The following HSD17B12 variants were observed in gnomAD, a reference collection of about 807,000 sequenced individuals.
HSD17B12 encodes very-long-chain 3-oxoacyl-CoA reductase.
In HSD17B12, 32 loss-of-function variants were observed where a neutral mutation model predicts 39.3. The observed-to-expected ratio is 0.81, with a 90% CI of 0.61 to 1.09. HSD17B12 has a LOEUF of 1.09. Ranked by LOEUF, HSD17B12 falls within the 50% of genes least tolerant of loss-of-function variation. HSD17B12 has a pLI of 0.00. For synonymous variants in HSD17B12, 150 were observed against 146.7 expected (o/e 1.02, Z -0.16); for missense variants, 342 against 382.9 (o/e 0.89, Z 0.89).
intron 6 of HSD17B12, 98 bp from the exon 7 acceptor site, chr11:43,830,878 C>A: frequency 1.1e-6 from 1 of 942,406 alleles, no homozygotes; most frequent in Non-Finnish European, 1.7e-6. Flanking sequence ...TGAATGGTTT[C>A]ATGATTCCCT....
At chr11:43,580,886 C>A in the HSD17B12 span, among the ~76,000 whole-genome samples, 2 of 152,150 alleles carry the variant, frequency 1.3e-5, no homozygotes. Context: ...AATGAGCTGG[C>A]GGCCTCGTCT....
the HSD17B12 span, among the ~76,000 whole-genome samples, chr11:43,662,263 A>G: frequency 6.7e-6 from 1 of 149,686 alleles, no homozygotes; most frequent in Non-Finnish European, 1.5e-5. Flanking sequence ...CAGTGGTGCA[A>G]TCTTAGCTCA....
intron 1 of HSD17B12, among the ~76,000 whole-genome samples, chr11:43,696,330 GA>G (rs765827186): frequency 3.7e-4 from 56 of 151,812 alleles, no homozygotes; most frequent in African/African-American, 1.3e-3. Context: ...AAATTTATAA[GA>G]AAAAAAATCA....
At chr11:43,599,317 C>T in the HSD17B12 span, among the ~76,000 whole-genome samples, 19 of 152,230 alleles carry the variant, frequency 1.2e-4, no homozygotes, top group Admixed American at 5.2e-4. Flanking sequence ...ATAGCCTATG[C>T]GACCCTTAGG....
chr11:43,658,085 T>C, the HSD17B12 span, among the ~76,000 whole-genome samples: 16 of 152,204 alleles, frequency 1.1e-4, no homozygotes, highest in Admixed American at 3.9e-4. Flanking sequence ...CTTGGAGGCT[T>C]TGTTCGTTTC....
upstream of HSD17B12, among the ~76,000 whole-genome samples, chr11:43,679,145 C>T (rs1949718136): frequency 6.6e-6 from 1 of 152,160 alleles, no homozygotes. Flanking sequence ...TGAAGAGGTC[C>T]TTCACATCCC....
chr11:43,826,680 T>G (rs1951244751), intron 6 of HSD17B12, among the ~76,000 whole-genome samples: 1 of 152,198 alleles, frequency 6.6e-6, no homozygotes, highest in African/African-American at 2.4e-5. Flanking sequence ...CAAAGCACTC[T>G]TAGAAACTTT....
chr11:43,815,352 A>T, intron 4 of HSD17B12, 85 bp from the exon 5 acceptor site: 1 of 647,784 alleles, frequency 1.5e-6, no homozygotes, highest in Non-Finnish European at 2.7e-6. Flanking sequence ...ATATCATATT[A>T]GTCTTGATAT....
rs1367526232 is a variant in HSD17B12 at position 43,718,777 on chromosome 11, C to T, written c.161-32134C>T. On this transcript the variant is annotated intron_variant, in intron 1 of 10. Coordinates refer to ENST00000278353, the MANE Select transcript of HSD17B12 (RefSeq NM_016142.3). ...AGGCAGTGTTGAAAGGTGTTCACAGCCACAAAAAAAAGAAGACCCGCACGT... is the reference window on the plus strand; with the variant it reads ...AGGCAGTGTTGAAAGGTGTTCACAGTCACAAAAAAAAGAAGACCCGCACGT... The T allele has an allele frequency of 3.4e-6, 4 of 1,159,894 alleles. No individual in the cohort carries two copies. The African/African-American group carries it at 6.2e-5, about 18-fold the overall frequency. The allele number at this position is 1,159,894 out of a possible 1,614,324, so 71.9% of individuals were successfully genotyped here.
the HSD17B12 span, among the ~76,000 whole-genome samples, chr11:43,631,531 T>TTCTCTCTCTCTGTGTGTGTGTGTGTC: frequency 1.3e-5 from 2 of 151,604 alleles, no homozygotes; most frequent in African/African-American, 4.8e-5. Context: ...ATAAAAGGTG[T>TTCTCTCTCTCTGTGTGTGTGTGTGTC]TCTCTCTCTC....
the HSD17B12 span, among the ~76,000 whole-genome samples, chr11:43,561,146 A>G: frequency 6.6e-6 from 1 of 152,186 alleles, no homozygotes; most frequent in South Asian, 2.1e-4. Flanking sequence ...GCTTGGTCCC[A>G]TCCAGGAGAT....
At chr11:43,591,625 C>A in the HSD17B12 span, among the ~76,000 whole-genome samples, 1 of 151,972 alleles carries the variant, frequency 6.6e-6, no homozygotes, top group Non-Finnish European at 1.5e-5. Flanking sequence ...TTAAAATAAA[C>A]TATATAGTTT....
At chr11:43,766,121 G>C (rs886387234) in intron 3 of HSD17B12, among the ~76,000 whole-genome samples, 1 of 152,184 alleles carries the variant, frequency 6.6e-6, no homozygotes, top group Non-Finnish European at 1.5e-5. Context: ...CACCGTGCCC[G>C]GCCTCGCCTT....
chr11:43,836,964 T>A (rs890650275), intron 7 of HSD17B12, among the ~76,000 whole-genome samples: 25 of 152,190 alleles, frequency 1.6e-4, no homozygotes, highest in Non-Finnish European at 3.5e-4. Flanking sequence ...CTAATATTTT[T>A]AAATTTGAAA....
intron 1 of HSD17B12, among the ~76,000 whole-genome samples, chr11:43,693,432 T>C (rs995630158): frequency 6.6e-6 from 1 of 152,200 alleles, no homozygotes; most frequent in Non-Finnish European, 1.5e-5. Context: ...AAATGATATG[T>C]ACCTTTTTAG....
chr11:43,764,430 T>C (rs1950579098), intron 3 of HSD17B12, among the ~76,000 whole-genome samples: 1 of 152,118 alleles, frequency 6.6e-6, no homozygotes, highest in Non-Finnish European at 1.5e-5. Flanking sequence ...CTATAAGCTA[T>C]CCAGAACAGG....
intron 3 of HSD17B12, among the ~76,000 whole-genome samples, chr11:43,775,979 G>A (rs1027110677): frequency 2.6e-5 from 4 of 152,112 alleles, no homozygotes; most frequent in Admixed American, 2.0e-4. Context: ...TGGTGTATAT[G>A]TACCACATTT....
rs531809242 is a variant in HSD17B12 at position 43,703,295 on chromosome 11, C to T, written c.160+22308C>T. Reference sequence around the variant, plus strand: ...CTGCAAGCTCCGCCTCCCGGGTTCACGCCATTCTCCTGCCTCAGCCTCCCA... The same window carrying T: ...CTGCAAGCTCCGCCTCCCGGGTTCATGCCATTCTCCTGCCTCAGCCTCCCA... On this transcript the variant is annotated intron_variant, in intron 1 of 10. Coordinates refer to ENST00000278353, the MANE Select transcript of HSD17B12 (RefSeq NM_016142.3). 2.4e-3 allele frequency among the ~76,000 whole-genome samples: 365 copies of T among 151,702 alleles called. 1 individual carries two copies. The highest frequency in any genetic ancestry group is 4.5e-3 in the Non-Finnish European group (304 of 67,666).
the HSD17B12 span, among the ~76,000 whole-genome samples, chr11:43,619,245 A>AATATATATGATATATATATATATAAAAT: frequency 1.4e-5 from 1 of 70,722 alleles, no homozygotes; most frequent in East Asian, 4.7e-4. Flanking sequence ...ATATATATAA[A>AATATATATGATATATATATATATAAAAT]ATATATATAT....
Sources: gnomAD v4.1 joint callset for allele counts (sites outside exome capture counted in the v4.1 genomes callset) on GRCh38, gnomAD v4.1.1 for gene constraint, MANE v1.5 for transcripts, NCBI Gene and HGNC (gene_info 2026-07-23, HGNC 2026-07-21) for gene names.